Variants in FREM2 observed in about 807,000 individuals in gnomAD.
The protein encoded by FREM2 is FRAS1-related extracellular matrix protein 2.
Under a neutral mutation model 219.9 loss-of-function variants are expected in FREM2, and 119 were observed. The ratio of observed to expected loss-of-function variants is 0.54; its 90% CI spans 0.47 to 0.63. The LOEUF (loss-of-function observed/expected upper bound fraction) is 0.63, where lower values mean the gene tolerates loss of function less well. Ranked by LOEUF, FREM2 falls within the 30% of genes least tolerant of loss-of-function variation. The pLI is 0.00. For missense variants in FREM2, 4,030 were observed against 3,993.6 expected, an observed-to-expected ratio of 1.01 and a Z score of -0.25; for synonymous variants, 1,562 against 1,522.8, an observed-to-expected ratio of 1.03 and a Z score of -0.60.
At chr13:38,702,640 C>T (rs1419853269) in intron 2 of FREM2, among the ~76,000 whole-genome samples, 1 of 125,374 alleles carries the variant, frequency 8.0e-6, no homozygotes, top group African/African-American at 2.5e-5. Context: ...TCAGATCCAG[C>T]TTGTTTCTTG....
At chr13:38,730,255 AAGG>A (rs1352954860) in intron 2 of FREM2, among the ~76,000 whole-genome samples, 2 of 152,248 alleles carry the variant, frequency 1.3e-5, no homozygotes, top group African/African-American at 4.8e-5. Context: ...TTGTTTAAAA[AAGG>A]AGAAGGAGAG....
chr13:38,781,645 TG>T (rs1413574761), intron 4 of FREM2, among the ~76,000 whole-genome samples: 11 of 152,148 alleles, frequency 7.2e-5, no homozygotes, highest in African/African-American at 2.4e-4. Flanking sequence ...TTTCTTAAAA[TG>T]GGGGCTTTTT....
At chr13:38,745,230 G>A (rs193090833) in intron 2 of FREM2, among the ~76,000 whole-genome samples, 70 of 152,166 alleles carry the variant, frequency 4.6e-4, no homozygotes, top group African/African-American at 1.6e-3. Flanking sequence ...AAATTATTTT[G>A]AAGTATGTTT....
chr13:38,802,583 TC>T (rs1428642590), intron 6 of FREM2, among the ~76,000 whole-genome samples: 1 of 152,154 alleles, frequency 6.6e-6, no homozygotes, highest in African/African-American at 2.4e-5. Flanking sequence ...GTAAGATTTT[TC>T]CTGGAAGTAT....
In FREM2 at chr13:38,784,827, G is replaced by A. The variant is rs1299716593; in HGVS notation, c.6019+19G>A. 6.2e-7 allele frequency: 1 copy of A among 1,613,246 alleles called. No individual in the cohort carries two copies. The highest frequency in any genetic ancestry group is 8.5e-7 in the Non-Finnish European group (1 of 1,179,856). On this transcript the variant is annotated intron_variant, in intron 6 of 23. Coordinates refer to ENST00000280481, the MANE Select transcript of FREM2 (RefSeq NM_207361.6). ...GATGATGGTGAGTACTAATTTACTT[G>A]AAAATTCTTTTTCCCGGGAAGATCA...
At position 38,690,973 on chromosome 13, in the gene FREM2, C is replaced by T. The variant is rs765697990; in HGVS notation, c.3629C>T (p.Thr1210Ile). Reference sequence around the variant, plus strand: ...GAAGGCATGAGTCTGGTAATTGATACACCCATTCTCAATGCTGCTGATGCT... The same window carrying T: ...GAAGGCATGAGTCTGGTAATTGATATACCCATTCTCAATGCTGCTGATGCT... ...VMEGMSLVID[T>I]PILNAADADV... The change falls in exon 1 of 24, where the codon ACA becomes ATA. Residue 1210 changes from threonine (T) to isoleucine (I), a missense_variant. This residue lies in a region of FREM2 where 3,102 missense variants were observed against 2,950.7 expected (regional missense o/e 1.05). Coordinates refer to ENST00000280481, the MANE Select transcript of FREM2 (RefSeq NM_207361.6). 5 of 1,613,842 alleles carry T rather than the reference C, an allele frequency of 3.1e-6. No individual in the cohort carries two copies. In the African/African-American group the frequency reaches 5.3e-5, roughly 17 times the overall value.
At chr13:38,803,963 A>G (rs1190621482) in intron 6 of FREM2, among the ~76,000 whole-genome samples, 1 of 151,996 alleles carries the variant, frequency 6.6e-6, no homozygotes, top group Non-Finnish European at 1.5e-5. Flanking sequence ...CCTAGCTGAA[A>G]GACCTAATCA....
chr13:38,795,995 CTTTT>C (rs1167981954), intron 6 of FREM2, among the ~76,000 whole-genome samples: 1 of 149,556 alleles, frequency 6.7e-6, no homozygotes, highest in Non-Finnish European at 1.5e-5. Flanking sequence ...TTCTTTCTTT[CTTTT>C]TTCTTTCTTT....
chr13:38,706,919 A>G (rs1411403456), intron 2 of FREM2, among the ~76,000 whole-genome samples: 2 of 152,230 alleles, frequency 1.3e-5, no homozygotes, highest in Non-Finnish European at 2.9e-5. Flanking sequence ...TGATGAATGC[A>G]TGAATCACAC....
intron 6 of FREM2, among the ~76,000 whole-genome samples, chr13:38,794,109 A>T (rs1367128123): frequency 1.3e-5 from 2 of 152,166 alleles, no homozygotes; most frequent in African/African-American, 4.8e-5. Context: ...CTCTATGGAT[A>T]ATGATAAAAA....
At chr13:38,754,489 C>T (rs190526644) in intron 2 of FREM2, among the ~76,000 whole-genome samples, 1 of 152,274 alleles carries the variant, frequency 6.6e-6, no homozygotes, top group African/African-American at 2.4e-5. Context: ...TATTAGCAGG[C>T]TGCACTTGAA....
Position 38,783,103 on chromosome 13 carries a change from C to A in FREM2, c.5675C>A (p.Ser1892Tyr). 6.2e-7 allele frequency: 1 copy of A among 1,613,848 alleles called. No homozygotes were observed. Among genetic ancestry groups the A allele is most frequent in the Non-Finnish European group, 8.5e-7 (1 of 1,179,918 alleles). The change falls in exon 5 of 24, where the codon TCC becomes TAC. Residue 1892 changes from serine (S) to tyrosine (Y), a missense_variant. Around this residue, in one of 2 missense-constraint regions of FREM2, gnomAD observed 3,102 missense variants for 2,950.7 expected, o/e 1.05. Transcript: ENST00000280481. ...GTGTTTATTCCCCAGTCCAAATACT[C>A]CGTTGAAGAAGATGTTGGTGAGCTG... ...PTVFIPQSKY[S>Y]VEEDVGELFI...
At chr13:38,746,918 C>G (rs1267592246) in intron 2 of FREM2, among the ~76,000 whole-genome samples, 1 of 152,146 alleles carries the variant, frequency 6.6e-6, no homozygotes, top group Non-Finnish European at 1.5e-5. Context: ...TTTCCTGGGT[C>G]CTTGGTAGAA....
At chr13:38,698,871 T>A (rs1870227502) in intron 2 of FREM2, among the ~76,000 whole-genome samples, 1 of 152,140 alleles carries the variant, frequency 6.6e-6, no homozygotes, top group African/African-American at 2.4e-5. Context: ...AAACAAAATG[T>A]GTTATGTTGG....
intron 4 of FREM2, among the ~76,000 whole-genome samples, chr13:38,770,110 T>C (rs1176467579): frequency 6.8e-6 from 1 of 147,928 alleles, no homozygotes; most frequent in Non-Finnish European, 1.5e-5. Flanking sequence ...TAGTACAATT[T>C]TCATATTACC....
chr13:38,803,973 A>G (rs1428121417), intron 6 of FREM2, among the ~76,000 whole-genome samples: 1 of 151,890 alleles, frequency 6.6e-6, no homozygotes, highest in East Asian at 1.9e-4. Context: ...AGACCTAATC[A>G]CCATCTGTTT....
At position 38,691,420 on chromosome 13, in the gene FREM2, G is replaced by C; in HGVS notation, c.4076G>C (p.Gly1359Ala). Residue 1359 changes from glycine to alanine, a missense_variant, in exon 1 of 24, where the codon GGT becomes GCT. Gly to Ala is a moderately conservative substitution (Grantham distance 60). Transcript: ENST00000280481. ...HGLLQRRKPT[G>A]AFENITLGMN... Reference sequence around the variant, plus strand: ...TTATTACAGAGACGAAAACCTACTGGTGCCTTTGAAAATATCACACTGGGC... The same window carrying C: ...TTATTACAGAGACGAAAACCTACTGCTGCCTTTGAAAATATCACACTGGGC... 3 of 1,614,138 alleles carry C rather than the reference G, an allele frequency of 1.9e-6. No individual in the cohort carries two copies. The highest frequency in any genetic ancestry group is 2.5e-6 in the Non-Finnish European group (3 of 1,180,028).
Position 38,769,604 on chromosome 13 carries a change from G to A in FREM2, c.5437G>A (p.Glu1813Lys), listed in dbSNP as rs147187551. The part of the protein sequence containing the change: ...ISIGTRDRTA[E>K]KDKDFKGKAQ... Reference sequence around the variant, plus strand: ...TATTGGCACAAGAGACAGAACTGCAGAAAAAGACAAAGACTTCAAGGGCAA... The same window carrying A: ...TATTGGCACAAGAGACAGAACTGCAAAAAAAGACAAAGACTTCAAGGGCAA... Residue 1813 changes from glutamate (E) to lysine (K), a missense_variant, in exon 4 of 24, where the codon GAA (glutamate) becomes AAA (lysine). Glu to Lys is a moderately conservative substitution (Grantham distance 56). Coordinates refer to ENST00000280481, the MANE Select transcript of FREM2 (RefSeq NM_207361.6). 107 of 1,613,964 alleles carry A rather than the reference G, an allele frequency of 6.6e-5. No homozygotes were observed. The African/African-American group carries it at 1.3e-3, about 19-fold the overall frequency.
Position 38,688,566 on chromosome 13 carries a change from T to A in FREM2, c.1222T>A (p.Phe408Ile), listed in dbSNP as rs937565709. Residue 408 changes from phenylalanine to isoleucine, a missense_variant, in exon 1 of 24, where the codon TTT becomes ATT. By Grantham distance (21) the Phe-to-Ile change is conservative (BLOSUM62 0). Coordinates refer to ENST00000280481, the MANE Select transcript of FREM2 (RefSeq NM_207361.6). ...TGAAGACTCTGACCAGGAGCGCCTC[T>A]TTGAACTGGAATTGGAGGTAGTGGA... ...PSEDSDQERL[F>I]ELELEVVDLE... 2 of 1,613,544 alleles carry A rather than the reference T, an allele frequency of 1.2e-6. No homozygotes were observed. Among genetic ancestry groups the A allele is most frequent in the African/African-American group, 2.7e-5 (2 of 74,902 alleles).
Sources: gnomAD v4.1 joint callset for allele counts (sites outside exome capture counted in the v4.1 genomes callset) on GRCh38, gnomAD v4.1.1 for gene constraint, gnomAD v4.1.1 regional missense constraint, MANE v1.5 for transcripts, NCBI Gene and HGNC (gene_info 2026-07-23, HGNC 2026-07-21) for gene names.